The following OR5H14 variants were observed in gnomAD, a reference collection of about 807,000 sequenced individuals.
OR5H14 encodes the protein olfactory receptor family 5 subfamily H member 14.
For missense variants in OR5H14, 392 were observed against 363.9 expected (o/e 1.08, Z -0.63); for synonymous variants, 155 against 130.6 (o/e 1.19, Z -1.28).
At position 98,149,706 on chromosome 3, in the gene OR5H14, T is replaced by G. The variant is rs757206485; in HGVS notation, c.321T>G (p.Ser107Arg). ...TACAGTTGTTTTCGTTTGCAATCAG[T>G]GTAACCACGGAATGTTTTCTCTTGG... ...CKIQLFSFAI[S>R]VTTECFLLAT... is the part of the protein sequence containing the mutation. The change falls in exon 2 of 2, where the codon AGT becomes AGG. Residue 107 changes from serine (S) to arginine (R), a missense_variant. Coordinates refer to ENST00000641380, the MANE Select transcript of OR5H14 (RefSeq NM_001005514.2). The G allele has an allele frequency of 6.2e-7, 1 of 1,613,182 alleles. No homozygotes were observed. Among genetic ancestry groups the G allele is most frequent in the Non-Finnish European group, 8.5e-7 (1 of 1,179,666 alleles).
rs1047723793 is a variant in OR5H14 at position 98,149,394 on chromosome 3, G to A, written c.9G>A (p.Glu3=). The A allele has an allele frequency of 9.9e-6, 16 of 1,612,678 alleles. No individual in the cohort carries two copies. The highest frequency in any genetic ancestry group is 1.1e-5 in the Non-Finnish European group (13 of 1,179,028). The change falls in exon 2 of 2, where the codon GAG becomes GAA. Residue 3 remains glutamate, a synonymous_variant. Transcript: ENST00000641380. ME[E]ENATLLTEFV... ...GGACATGCAGTGAGGACATGGAAGA[G>A]GAAAATGCAACATTGCTGACAGAGT...
Position 98,152,862 on chromosome 3 carries a change from GCTTAGGTAGAAA to G in OR5H14, c.*2546_*2557del, listed in dbSNP as rs1407270812. ...TTACTATGAGTTGGGGTTTCTGTGT[GCTTAGGTAGAAA>G]CCCATTTTGCTGGAGCCACCTCAGC... On this transcript the variant is annotated 3_prime_UTR_variant, in exon 2 of 2. Transcript: ENST00000641380. The G allele has an allele frequency of 8.1e-6, 1 of 124,166 alleles. No individual in the cohort carries two copies. The highest frequency in any genetic ancestry group is 8.1e-5 in the Admixed American group (1 of 12,314). 7.7% of individuals were successfully genotyped at this position (124,166 alleles called of 1,614,324 possible). A position where few individuals can be genotyped will look rare whatever the true frequency, so the allele number is the denominator to read the frequency against.
rs574013967 is a variant in OR5H14 at position 98,151,074 on chromosome 3, A to G, written c.*756A>G. On this transcript the variant is annotated 3_prime_UTR_variant, in exon 2 of 2. Coordinates refer to ENST00000641380, the MANE Select transcript of OR5H14 (RefSeq NM_001005514.2). ...TCAGAAAATTAAATGAAAAAATAGA[A>G]CTTAGTTTAAAGTGGGGATAGAAAA... 16 of 152,196 alleles carry G rather than the reference A, an allele frequency of 1.1e-4. No homozygotes were observed. Among genetic ancestry groups the G allele is most frequent in the African/African-American group, 3.9e-4 (16 of 41,526 alleles). The allele number at this position is 152,196 out of a possible 1,614,324, so 9.4% of individuals were successfully genotyped here. A position where few individuals can be genotyped will look rare whatever the true frequency, so the allele number is the denominator to read the frequency against.
Position 98,153,411 on chromosome 3 carries a change from A to C in OR5H14, c.*3093A>C, listed in dbSNP as rs941554944. The C allele has an allele frequency of 2.0e-5, 3 of 152,156 alleles. No homozygotes were observed. Among genetic ancestry groups the C allele is most frequent in the African/African-American group, 7.2e-5 (3 of 41,432 alleles). The allele number at this position is 152,156 out of a possible 1,614,324, so 9.4% of individuals were successfully genotyped here. A position where few individuals can be genotyped will look rare whatever the true frequency, so the allele number is the denominator to read the frequency against. ...AGCCTAGCCAACATGGTGAAACCCC[A>C]TCTTTATGAAAAATGCAAAAAATTA... On this transcript the variant is annotated 3_prime_UTR_variant, in exon 2 of 2. Transcript: ENST00000641380.
rs1268390353 is a variant in OR5H14 at position 98,155,272 on chromosome 3, T to A, written c.*4954T>A. 1 of 152,202 alleles carries A rather than the reference T, an allele frequency of 6.6e-6. No homozygotes were observed. The highest frequency in any genetic ancestry group is 1.5e-5 in the Non-Finnish European group (1 of 68,044). 9.4% of individuals were successfully genotyped at this position (152,202 alleles called of 1,614,324 possible). ...TTTTTGGAAAGGGTGATCTGAGTAA[T>A]AATAAAACTTGAATCTCCCATTTAG... On this transcript the variant is annotated 3_prime_UTR_variant, in exon 2 of 2. Coordinates refer to ENST00000641380, the MANE Select transcript of OR5H14 (RefSeq NM_001005514.2).
chr3:98,149,216 T>G, intron 1 of OR5H14, 152 bp from the exon 2 acceptor site: 1 of 843,420 alleles, frequency 1.2e-6, no homozygotes, highest in Non-Finnish European at 1.8e-6. Flanking sequence ...TTTTTTTCAT[T>G]TCTTTAACCC....
At position 98,150,217 on chromosome 3, in the gene OR5H14, T is replaced by C. The variant is rs746773245; in HGVS notation, c.832T>C (p.Tyr278His). 2.5e-6 allele frequency: 4 copies of C among 1,612,608 alleles called. No homozygotes were observed. Among genetic ancestry groups the C allele is most frequent in the Non-Finnish European group, 3.4e-6 (4 of 1,179,250 alleles). Residue 278 changes from tyrosine to histidine, a missense_variant, in exon 2 of 2, where the codon TAC becomes CAC. Transcript: ENST00000641380. ...CCAAGATATGATGGAGTCTCTATTT[T>C]ACACTGTCATAGTTCCTTTATTAAA... is the stretch of plus-strand genomic sequence containing the variant. ...DDQDMMESLFYTVIVPLLNPM... is the reference protein window; with the variant it reads ...DDQDMMESLFHTVIVPLLNPM...
At position 98,149,795 on chromosome 3, in the gene OR5H14, C is replaced by G. The variant is rs370196000; in HGVS notation, c.410C>G (p.Thr137Ser). Reference sequence around the variant, plus strand: ...CCCTTACTTTATCCAGCCATTATGACCAATGGACTGTGCATCCGGCTATTA... The same window carrying G: ...CCCTTACTTTATCCAGCCATTATGAGCAATGGACTGTGCATCCGGCTATTA... Reference protein sequence around the residue: ...CKPLLYPAIMTNGLCIRLLIL... With the variant: ...CKPLLYPAIMSNGLCIRLLIL... Residue 137 changes from threonine (T) to serine (S), a missense_variant, in exon 2 of 2, where the codon ACC becomes AGC. Transcript: ENST00000641380. 74 of 1,612,522 alleles carry G rather than the reference C, an allele frequency of 4.6e-5. No individual in the cohort carries two copies. The highest frequency in any genetic ancestry group is 1.6e-4 in the Middle Eastern group (1 of 6,068).
rs1446384505 is a variant in OR5H14 at position 98,149,303 on chromosome 3, T to A, written c.-18-65T>A. The A allele has an allele frequency of 7.2e-6, 11 of 1,527,544 alleles. No individual in the cohort carries two copies. In the African/African-American group the frequency reaches 1.4e-4, roughly 19 times the overall value. 94.6% of individuals were successfully genotyped at this position (1,527,544 alleles called of 1,614,324 possible). A position where few individuals can be genotyped will look rare whatever the true frequency, so the allele number is the denominator to read the frequency against. On this transcript the variant is annotated intron_variant, in intron 1 of 1. Coordinates refer to ENST00000641380, the MANE Select transcript of OR5H14 (RefSeq NM_001005514.2). ...ATTGCACACTTTATATCAACACCTC[T>A]TTCCCAATTTCAACTCATAATGTCA...
Position 98,150,588 on chromosome 3 carries a change from T to C in OR5H14, c.*270T>C, listed in dbSNP as rs1708494574. On this transcript the variant is annotated 3_prime_UTR_variant, in exon 2 of 2. Coordinates refer to ENST00000641380, the MANE Select transcript of OR5H14 (RefSeq NM_001005514.2). ...ACAGTATGGTATGTTAATCACTGTG[T>C]CTTATAAATGCATTAAATGCAAAAT... 1 of 252,006 alleles carries C rather than the reference T, an allele frequency of 4.0e-6. No homozygotes were observed. Among genetic ancestry groups the C allele is most frequent in the Admixed American group, 4.9e-5 (1 of 20,240 alleles). 15.6% of individuals were successfully genotyped at this position (252,006 alleles called of 1,614,324 possible).
rs1473893511 is a variant in OR5H14, at chr3:98,150,708, A to C, written c.*390A>C. On this transcript the variant is annotated 3_prime_UTR_variant, in exon 2 of 2. Transcript: ENST00000641380. ...GTCTATCACATTTATCTTCATAGTG[A>C]ATGTTGATGTGTGTTTAGAGGAAGA... 1 of 154,822 alleles carries C rather than the reference A, an allele frequency of 6.5e-6. No individual in the cohort carries two copies. Among genetic ancestry groups the C allele is most frequent in the Non-Finnish European group, 1.4e-5 (1 of 69,708 alleles). 9.6% of individuals were successfully genotyped at this position (154,822 alleles called of 1,614,324 possible). A position where few individuals can be genotyped will look rare whatever the true frequency, so the allele number is the denominator to read the frequency against.
At position 98,150,258 on chromosome 3, in the gene OR5H14, C is replaced by A. The variant is rs200087240; in HGVS notation, c.873C>A (p.Ser291Arg). Residue 291 changes from serine (S) to arginine (R), a missense_variant, in exon 2 of 2, where the codon AGC becomes AGA. Ser to Arg is a moderately radical substitution (Grantham distance 110, BLOSUM62 -1). Transcript: ENST00000641380. ...IVPLLNPMIY[S>R]LRNKQVIASF... ...CTTTATTAAATCCCATGATCTACAG[C>A]CTGAGAAACAAGCAAGTAATAGCTT... 4 of 1,602,866 alleles carry A rather than the reference C, an allele frequency of 2.5e-6. No individual in the cohort carries two copies. In the African/African-American group the frequency reaches 4.0e-5, roughly 16 times the overall value.
At position 98,150,223 on chromosome 3, in the gene OR5H14, G is replaced by A. The variant is rs780982523; in HGVS notation, c.838G>A (p.Val280Ile). 6 of 1,611,956 alleles carry A rather than the reference G, an allele frequency of 3.7e-6. No homozygotes were observed. The Admixed American group carries it at 8.4e-5, about 22-fold the overall frequency. Residue 280 changes from valine (V) to isoleucine (I), a missense_variant, in exon 2 of 2, where the codon GTC becomes ATC. Val to Ile is a conservative substitution (Grantham distance 29). Transcript: ENST00000641380. ...TATGATGGAGTCTCTATTTTACACT[G>A]TCATAGTTCCTTTATTAAATCCCAT... The part of the protein sequence containing the change: ...QDMMESLFYT[V>I]IVPLLNPMIY...
Position 98,151,356 on chromosome 3 carries a change from A to T in OR5H14, c.*1038A>T, listed in dbSNP as rs990487405. The stretch of plus-strand genomic sequence containing the variant: ...TTTTCTACTTCAAAAAGTCCTTATT[A>T]GTCTTCTTCTCACTTCATATTCTTG... On this transcript the variant is annotated 3_prime_UTR_variant, in exon 2 of 2. Coordinates refer to ENST00000641380, the MANE Select transcript of OR5H14 (RefSeq NM_001005514.2). 1 of 152,180 alleles carries T rather than the reference A, an allele frequency of 6.6e-6. No homozygotes were observed. The highest frequency in any genetic ancestry group is 1.5e-5 in the Non-Finnish European group (1 of 68,028). 9.4% of individuals were successfully genotyped at this position (152,180 alleles called of 1,614,324 possible).
At position 98,150,340 on chromosome 3, in the gene OR5H14, C is replaced by A; in HGVS notation, c.*22C>A. ...TTAGATCATTACTAATATCTCTTTT[C>A]TATTTACTAAAATGTCACAAAATTG... On this transcript the variant is annotated 3_prime_UTR_variant, in exon 2 of 2. Coordinates refer to ENST00000641380, the MANE Select transcript of OR5H14 (RefSeq NM_001005514.2). 6.9e-7 allele frequency: 1 copy of A among 1,444,184 alleles called. No homozygotes were observed. The highest frequency in any genetic ancestry group is 1.5e-5 in the South Asian group (1 of 64,784). 89.5% of individuals were successfully genotyped at this position (1,444,184 alleles called of 1,614,324 possible). A position where few individuals can be genotyped will look rare whatever the true frequency, so the allele number is the denominator to read the frequency against.
At chr3:98,147,681 T>C (rs953095957) in intron 1 of OR5H14, 127 bp downstream of exon 1, 5 of 152,082 alleles carry the variant, frequency 3.3e-5, no homozygotes, top group African/African-American at 1.2e-4. Context: ...GTTGGGTAAC[T>C]ATTACTGTAC....
rs7630491 is a variant in OR5H14 at position 98,152,238 on chromosome 3, C to A, written c.*1920C>A. ...AGTTCAACCTTTGTGGAAGACAGTG[C>A]GGTGATTCCTTATGAATCCGGAGCC... On this transcript the variant is annotated 3_prime_UTR_variant, in exon 2 of 2. Transcript: ENST00000641380. 1 of 151,974 alleles carries A rather than the reference C, an allele frequency of 6.6e-6. No individual in the cohort carries two copies. Among genetic ancestry groups the A allele is most frequent in the South Asian group, 2.1e-4 (1 of 4,824 alleles). 9.4% of individuals were successfully genotyped at this position (151,974 alleles called of 1,614,324 possible).
Position 98,151,922 on chromosome 3 carries a change from C to G in OR5H14, c.*1604C>G, listed in dbSNP as rs1708514358. The G allele has an allele frequency of 6.6e-6, 1 of 152,094 alleles. No individual in the cohort carries two copies. The highest frequency in any genetic ancestry group is 6.6e-5 in the Admixed American group (1 of 15,256). The allele number at this position is 152,094 out of a possible 1,614,324, so 9.4% of individuals were successfully genotyped here. The stretch of plus-strand genomic sequence containing the variant: ...TGTCCATATGACAAAGGGCTAATAT[C>G]CAGAATCTACAAGGAGCTTAAACAA... On this transcript the variant is annotated 3_prime_UTR_variant, in exon 2 of 2. Coordinates refer to ENST00000641380, the MANE Select transcript of OR5H14 (RefSeq NM_001005514.2).
chr3:98,150,571 G>T lies in OR5H14; in HGVS notation c.*253G>T, dbSNP rs921095081. 8.8e-5 allele frequency: 26 copies of T among 296,806 alleles called. No homozygotes were observed. Among genetic ancestry groups the T allele is most frequent in the African/African-American group, 5.5e-4 (25 of 45,864 alleles). 18.4% of individuals were successfully genotyped at this position (296,806 alleles called of 1,614,324 possible). ...GCAAATAAAAATATTGTACAGTATG[G>T]TATGTTAATCACTGTGTCTTATAAA... On this transcript the variant is annotated 3_prime_UTR_variant, in exon 2 of 2. Transcript: ENST00000641380.
Sources: allele counts gnomAD v4.1 joint callset, GRCh38; gene constraint gnomAD v4.1.1; transcripts MANE v1.5; gene names NCBI Gene and HGNC (gene_info 2026-07-23, HGNC 2026-07-21).